The following ADGRG3 variants were observed in gnomAD, a reference collection of about 807,000 sequenced individuals.
ADGRG3 encodes adhesion G protein-coupled receptor G3, also known as G protein-coupled receptor 97.
Under a neutral mutation model 54.3 loss-of-function variants are expected in ADGRG3, and 39 were observed. That is an observed-to-expected ratio of 0.72 (90% CI 0.56 to 0.94). The LOEUF (loss-of-function observed/expected upper bound fraction) is 0.94. Ranked by LOEUF, ADGRG3 falls within the 40% of genes least tolerant of loss-of-function variation. The pLI is 0.00. For synonymous variants in ADGRG3, 312 were observed against 290.0 expected (o/e 1.08, Z -0.77); for missense variants, 654 against 694.6 (o/e 0.94, Z 0.66).
At chr16:57,666,862 C>A (rs1406337572), upstream of ADGRG3, among the ~76,000 whole-genome samples, 1 of 152,204 alleles carries the variant, frequency 6.6e-6, no homozygotes, top group Non-Finnish European at 1.5e-5. Context: ...TACCTGCGAG[C>A]CTCTCTGAGG....
At chr16:57,678,148 G>A (rs1466919660) in intron 3 of ADGRG3, 22 bp from the exon 4 acceptor site, 4 of 1,612,706 alleles carry the variant, frequency 2.5e-6, no homozygotes, top group Non-Finnish European at 2.5e-6. Flanking sequence ...ACAGATGGGA[G>A]CTGCTGTGTC....
chr16:57,667,450 C>G (rs998743099), upstream of ADGRG3, among the ~76,000 whole-genome samples: 6 of 152,274 alleles, frequency 3.9e-5, no homozygotes, highest in African/African-American at 1.4e-4. Context: ...TTGCCACCCC[C>G]ACCTCCCACC....
intron 1 of ADGRG3, 118 bp from the exon 2 acceptor site, chr16:57,673,203 T>C: frequency 2.1e-6 from 2 of 949,726 alleles, no homozygotes; most frequent in Non-Finnish European, 1.6e-6. Flanking sequence ...GTGTGATGCA[T>C]GGAGCTGGAA....
intron 2 of ADGRG3, 50 bp from the exon 3 acceptor site, chr16:57,676,149 GT>G: frequency 6.4e-7 from 1 of 1,573,176 alleles, no homozygotes; most frequent in Non-Finnish European, 8.7e-7. Context: ...TGATGAGTGA[GT>G]AACTCAGCCT....
chr16:57,683,124 C>T (rs1161044472), intron 8 of ADGRG3, among the ~76,000 whole-genome samples: 1 of 152,196 alleles, frequency 6.6e-6, no homozygotes, highest in African/African-American at 2.4e-5. Flanking sequence ...AGCTGGGGAG[C>T]AGGGAAAGGC....
intron 1 of ADGRG3, among the ~76,000 whole-genome samples, chr16:57,670,104 A>G (rs2048127272): frequency 6.6e-6 from 1 of 152,144 alleles, no homozygotes; most frequent in Non-Finnish European, 1.5e-5. Flanking sequence ...GGGTGGGGGC[A>G]AATGCCCACT....
chr16:57,668,557 A>G, intron 1 of ADGRG3, 152 bp downstream of exon 1: 1 of 681,258 alleles, frequency 1.5e-6, no homozygotes, highest in Non-Finnish European at 2.6e-6. Context: ...CCGCCTCAGC[A>G]CCTTCTCTAG....
rs2048104338 is a variant in ADGRG3 at position 57,669,099 on chromosome 16, G to A, written c.58+694G>A. Among the ~76,000 whole-genome samples, 3 of 152,174 alleles carry A rather than the reference G, an allele frequency of 2.0e-5. No individual in the cohort carries two copies. The South Asian group carries it at 6.2e-4, about 32-fold the overall frequency. On this transcript the variant is annotated intron_variant, in intron 1 of 11. Transcript: ENST00000333493. The stretch of plus-strand genomic sequence containing the variant: ...CCATTTACCCTTCTTGGCCTCTGTG[G>A]CGTCTTAGCAACCCTCTCGGACAGA...
At chr16:57,668,137 A>G (rs2048085727), upstream of ADGRG3, 1 of 584,198 alleles carries the variant, frequency 1.7e-6, no homozygotes, top group African/African-American at 1.9e-5. Flanking sequence ...AGGTGGACCC[A>G]GGGTGCGGTG....
rs1184097329 is a variant in ADGRG3 at position 57,684,439 on chromosome 16, C to G, written c.1212C>G (p.Gly404=). The change falls in exon 10 of 12, where the codon GGC becomes GGG. Residue 404 remains glycine, a synonymous_variant. Coordinates refer to ENST00000333493, the MANE Select transcript of ADGRG3 (RefSeq NM_170776.5). ...GCACTGGGAGTGCCAACAGCTACGG[C>G]CTCTACACCATCCGTGATAGGGAGA... The part of the protein sequence containing the change: ...VIGTGSANSY[G]LYTIRDRENR... 1 of 1,613,736 alleles carries G rather than the reference C, an allele frequency of 6.2e-7. No individual in the cohort carries two copies. Among genetic ancestry groups the G allele is most frequent in the Non-Finnish European group, 8.5e-7 (1 of 1,179,930 alleles).
upstream of ADGRG3, among the ~76,000 whole-genome samples, chr16:57,666,104 G>A (rs957113342): frequency 4.6e-5 from 7 of 152,122 alleles, no homozygotes; most frequent in African/African-American, 7.2e-5. Context: ...AGCCCCGGGG[G>A]ATCAAAGCCA....
At chr16:57,676,148 A>T in intron 2 of ADGRG3, 52 bp from the exon 3 acceptor site, 1 of 1,568,062 alleles carries the variant, frequency 6.4e-7, no homozygotes. Context: ...CTGATGAGTG[A>T]GTAACTCAGC....
At chr16:57,683,089 G>A (rs2048405019) in intron 8 of ADGRG3, among the ~76,000 whole-genome samples, 1 of 152,228 alleles carries the variant, frequency 6.6e-6, no homozygotes, top group Non-Finnish European at 1.5e-5. Flanking sequence ...CAGAAGAAGA[G>A]GAGTCAGGCA....
chr16:57,677,454 T>A (rs1168762774), intron 3 of ADGRG3, among the ~76,000 whole-genome samples: 1 of 151,572 alleles, frequency 6.6e-6, no homozygotes, highest in South Asian at 2.1e-4. Context: ...TGGTGGTGCA[T>A]GCCTGTAATC....
At chr16:57,667,423 C>T (rs1018751733), upstream of ADGRG3, among the ~76,000 whole-genome samples, 5 of 152,248 alleles carry the variant, frequency 3.3e-5, no homozygotes, top group Non-Finnish European at 7.3e-5. Context: ...TTCCTTTAGG[C>T]TGAAGCCCAG....
Position 57,679,868 on chromosome 16 carries a change from G to A in ADGRG3, c.667+13G>A. The stretch of plus-strand genomic sequence containing the variant: ...GATGTGACTAAAGGTAGGGCCCGGA[G>A]GACCTTCTCTGGGGTAAGACAGGAA... On this transcript the variant is annotated intron_variant, in intron 6 of 11. Coordinates refer to ENST00000333493, the MANE Select transcript of ADGRG3 (RefSeq NM_170776.5). 6.2e-7 allele frequency: 1 copy of A among 1,605,950 alleles called. No individual in the cohort carries two copies. The highest frequency in any genetic ancestry group is 1.1e-5 in the South Asian group (1 of 90,910).
At chr16:57,680,901 G>C (rs2048355805) in intron 8 of ADGRG3, among the ~76,000 whole-genome samples, 2 of 152,194 alleles carry the variant, frequency 1.3e-5, no homozygotes, top group African/African-American at 4.8e-5. Context: ...AAAAACCCAA[G>C]GTGCATGGAC....
intron 10 of ADGRG3, among the ~76,000 whole-genome samples, chr16:57,684,689 G>A (rs904023326): frequency 6.6e-6 from 1 of 152,138 alleles, no homozygotes; most frequent in Non-Finnish European, 1.5e-5. Flanking sequence ...ATGAGAGAGG[G>A]GGCCTGAGAA....
At position 57,685,637 on chromosome 16, in the gene ADGRG3, C is replaced by G; in HGVS notation, c.1257-6C>G. 1 of 1,613,288 alleles carries G rather than the reference C, an allele frequency of 6.2e-7. No individual in the cohort carries two copies. The highest frequency in any genetic ancestry group is 8.5e-7 in the Non-Finnish European group (1 of 1,179,274). ...CCAGTCCCACCACAGCTGCCCCCTC[C>G]TCCAGATGCTGGTTCCGTGAAGGGA... On this transcript the variant is annotated splice_polypyrimidine_tract_variant and splice_region_variant and intron_variant, in intron 10 of 11. Transcript: ENST00000333493.
Sources: gnomAD v4.1 joint callset for allele counts (sites outside exome capture counted in the v4.1 genomes callset) on GRCh38, gnomAD v4.1.1 for gene constraint, MANE v1.5 for transcripts, NCBI Gene and HGNC (gene_info 2026-07-23, HGNC 2026-07-21) for gene names.